The following ZBTB45 variants were observed in gnomAD, a reference collection of about 807,000 sequenced individuals.
ZBTB45 encodes the protein zinc finger and BTB domain containing 45, also known as zinc finger and BTB domain-containing protein 45.
ZBTB45 carries 22 observed loss-of-function variants against 28.4 expected under a neutral mutation model. The observed-to-expected ratio is 0.77, with a 90% CI of 0.55 to 1.10. ZBTB45 has a LOEUF of 1.10. Ranked by LOEUF, ZBTB45 falls within the 50% of genes least tolerant of loss-of-function variation. The pLI, the probability that ZBTB45 is intolerant of heterozygous loss-of-function variation, is 0.00. For synonymous variants in ZBTB45, 361 were observed against 332.3 expected (o/e 1.09, Z -0.94); for missense variants, 656 against 750.2 (o/e 0.87, Z 1.47).
intron 1 of ZBTB45, among the ~76,000 whole-genome samples, chr19:58,532,999 T>C (rs983332165): frequency 4.6e-5 from 7 of 152,108 alleles, no homozygotes; most frequent in Non-Finnish European, 1.0e-4. Flanking sequence ...CATGCCTGGC[T>C]AATTTTGTAT....
intron 1 of ZBTB45, among the ~76,000 whole-genome samples, chr19:58,537,841 T>C (rs1393865208): frequency 1.7e-5 from 2 of 119,794 alleles, no homozygotes; most frequent in African/African-American, 3.4e-5. Context: ...CAAATATTCC[T>C]TTTTTTTTTT....
At chr19:58,520,400 A>G (rs1382388847), upstream of ZBTB45, among the ~76,000 whole-genome samples, 1 of 152,154 alleles carries the variant, frequency 6.6e-6, no homozygotes, top group Non-Finnish European at 1.5e-5. Context: ...TTGCAAGTCA[A>G]TCTGGTATGG....
chr19:58,529,264 CCCTGT>C (rs2053624074), intron 1 of ZBTB45, among the ~76,000 whole-genome samples: 2 of 151,936 alleles, frequency 1.3e-5, no homozygotes, highest in Admixed American at 1.3e-4. Context: ...ACATGGCAAA[CCCTGT>C]ATCAAAAAAA....
At chr19:58,520,026 A>G (rs180916944), upstream of ZBTB45, 1 of 152,370 alleles carries the variant, frequency 6.6e-6, no homozygotes, top group Admixed American at 6.5e-5. Context: ...CGCCCAGGAG[A>G]TCAGGGGTGT....
chr19:58,514,290 C>T lies in ZBTB45; in HGVS notation c.1300G>A (p.Ala434Thr), dbSNP rs1404125283. ...AGAGAGAAGGATCGCCAGCACACGGCGCACTGGTGCGGCTTCTCCCCTGCG... is the reference window on the plus strand; with the variant it reads ...AGAGAGAAGGATCGCCAGCACACGGTGCACTGGTGCGGCTTCTCCCCTGCG... Reference protein sequence around the residue: ...IHSGEKPHQCAVCWRSFSLRD... With the variant: ...IHSGEKPHQCTVCWRSFSLRD... The change falls in exon 3 of 3, where the codon GCC becomes ACC. Residue 434 changes from alanine (A) to threonine (T), a missense_variant. Ala to Thr is a moderately conservative substitution (Grantham distance 58, BLOSUM62 0). Transcript: ENST00000594051. 3.1e-6 allele frequency: 5 copies of T among 1,605,194 alleles called. No homozygotes were observed. Among genetic ancestry groups the T allele is most frequent in the Non-Finnish European group, 4.3e-6 (5 of 1,174,704 alleles).
At chr19:58,531,586 A>G (rs2053635961) in intron 1 of ZBTB45, among the ~76,000 whole-genome samples, 1 of 152,216 alleles carries the variant, frequency 6.6e-6, no homozygotes, top group Admixed American at 6.5e-5. Context: ...GCAAGCAAGA[A>G]CTGGGGCCAT....
At position 58,516,442 on chromosome 19, in the gene ZBTB45, G is replaced by A. The variant is rs971993250; in HGVS notation, c.1232C>T (p.Thr411Met). 6 of 1,613,900 alleles carry A rather than the reference G, an allele frequency of 3.7e-6. No individual in the cohort carries two copies. The highest frequency in any genetic ancestry group is 2.2e-5 in the East Asian group (1 of 44,896). ...GGTGTAGTTTTTCCGGGAGCTGAAC[G>A]TCTTGCGACAGTGGCTGCACTCATA... is the stretch of plus-strand genomic sequence containing the variant. ...PTYECSHCRK[T>M]FSSRKNYTKH... Residue 411 changes from threonine (T) to methionine (M), a missense_variant, in exon 2 of 3, where the codon ACG becomes ATG. Coordinates refer to ENST00000594051, the MANE Select transcript of ZBTB45 (RefSeq NM_001316979.2). The surrounding 1 kb of genome is among the most constrained non-coding windows in gnomAD (Gnocchi z 6.2).
chr19:58,516,603 T>C lies in ZBTB45; in HGVS notation c.1071A>G (p.Pro357=). The change falls in exon 2 of 3, where the codon CCA becomes CCG. Residue 357 remains proline (P), a synonymous_variant. Coordinates refer to ENST00000594051, the MANE Select transcript of ZBTB45 (RefSeq NM_001316979.2). The surrounding 1 kb of genome is among the most constrained non-coding windows in gnomAD (Gnocchi z 6.2). ...GCTGGAGTGTGGGGTAGAAGGCGGG[T>C]GGGGGCGCAGGGGCTGGCCCCGATG... ...SAPSGPAPAP[P]PAFYPTLQPE... The C allele has an allele frequency of 1.3e-6, 2 of 1,511,240 alleles. No homozygotes were observed. The highest frequency in any genetic ancestry group is 1.2e-5 in the South Asian group (1 of 81,538). The allele number at this position is 1,511,240 out of a possible 1,614,324, so 93.6% of individuals were successfully genotyped here. A position where few individuals can be genotyped will look rare whatever the true frequency, so the allele number is the denominator to read the frequency against.
chr19:58,516,326 G>A lies in ZBTB45; in HGVS notation c.1279+69C>T. On this transcript the variant is annotated intron_variant, in intron 2 of 2. Transcript: ENST00000594051. This position sits in a 1 kb window ranked among gnomAD's most constrained non-coding sequence, Gnocchi z 6.2. ...ACAGTGCCAGTGCCCTGTAACTAGT[G>A]CTCAATTCCCCCTCAGGTTTAACTC... is the stretch of plus-strand genomic sequence containing the variant. The A allele has an allele frequency of 6.3e-7, 1 of 1,583,762 alleles. No homozygotes were observed. Among genetic ancestry groups the A allele is most frequent in the Non-Finnish European group, 8.6e-7 (1 of 1,159,612 alleles).
chr19:58,514,383 C>CG (rs2053461834), intron 2 of ZBTB45, 73 bp from the exon 3 acceptor site: 1 of 1,321,170 alleles, frequency 7.6e-7, no homozygotes. Context: ...ACCCCACCCC[C>CG]ACCTGGGCTC....
chr19:58,518,235 T>C (rs935123171), intron 1 of ZBTB45, among the ~76,000 whole-genome samples: 1 of 152,200 alleles, frequency 6.6e-6, no homozygotes, highest in Admixed American at 6.5e-5. Context: ...ACCCTGTGCA[T>C]AGGCAGGATT....
chr19:58,532,740 G>A (rs966773546), intron 1 of ZBTB45, among the ~76,000 whole-genome samples: 4 of 152,022 alleles, frequency 2.6e-5, no homozygotes, highest in African/African-American at 9.7e-5. Flanking sequence ...TAGAGACAAG[G>A]TTTCACTATG....
At chr19:58,520,232 C>T (rs1401264483), upstream of ZBTB45, 2 of 152,270 alleles carry the variant, frequency 1.3e-5, no homozygotes, top group African/African-American at 4.8e-5. Context: ...CAAGCTACCA[C>T]TACTGCAGAC....
intron 1 of ZBTB45, among the ~76,000 whole-genome samples, chr19:58,524,964 T>C (rs1385404105): frequency 6.6e-6 from 1 of 151,812 alleles, no homozygotes; most frequent in Non-Finnish European, 1.5e-5. Flanking sequence ...GAAGAGTCTG[T>C]GAGAGCACAG....
upstream of ZBTB45, among the ~76,000 whole-genome samples, chr19:58,521,236 A>G (rs937500469): frequency 2.7e-5 from 4 of 150,202 alleles, no homozygotes; most frequent in South Asian, 4.2e-4. Flanking sequence ...GCGCGGTGGC[A>G]GGCGCCTGTA....
intron 1 of ZBTB45, among the ~76,000 whole-genome samples, chr19:58,534,329 C>A (rs1157633446): frequency 6.6e-6 from 1 of 151,988 alleles, no homozygotes; most frequent in Non-Finnish European, 1.5e-5. Flanking sequence ...GCATGAAATG[C>A]CACTGAATGT....
intron 1 of ZBTB45, among the ~76,000 whole-genome samples, chr19:58,528,699 C>G (rs112290702): frequency 6.6e-6 from 1 of 152,162 alleles, no homozygotes; most frequent in African/African-American, 2.4e-5. Context: ...TCGAGACCAT[C>G]CTGGCTAATA....
Position 58,514,151 on chromosome 19 carries a change from G to C in ZBTB45, c.1439C>G (p.Thr480Ser). 1 of 1,609,794 alleles carries C rather than the reference G, an allele frequency of 6.2e-7. No individual in the cohort carries two copies. The highest frequency in any genetic ancestry group is 8.5e-7 in the Non-Finnish European group (1 of 1,178,652). The stretch of plus-strand genomic sequence containing the variant: ...GCAGGGCGCGCGCTCGGGCCGGTGA[G>C]TGCGCATGTGCACGTTGAGCGAGCT... ...QKSSLNVHMR[T>S]HRPERAPCPA... Residue 480 changes from threonine to serine, a missense_variant, in exon 3 of 3, where the codon ACT (threonine) becomes AGT (serine). Around this residue, in one of 3 missense-constraint regions of ZBTB45, gnomAD observed 103 missense variants for 153.5 expected, o/e 0.67. Transcript: ENST00000594051.
chr19:58,529,863 C>G (rs935223340), intron 1 of ZBTB45, among the ~76,000 whole-genome samples: 5 of 152,102 alleles, frequency 3.3e-5, no homozygotes, highest in African/African-American at 1.2e-4. Flanking sequence ...AAGGTTCAAC[C>G]GTGTTGTAGC....
Sources: gnomAD v4.1 joint callset for allele counts (sites outside exome capture counted in the v4.1 genomes callset) on GRCh38, gnomAD v4.1.1 for gene constraint, gnomAD v4.1.1 regional missense constraint, Gnocchi (gnomAD v3.1) non-coding constraint, MANE v1.5 for transcripts, NCBI Gene and HGNC (gene_info 2026-07-23, HGNC 2026-07-21) for gene names.